The following LAMA2 variants were observed in gnomAD, a reference collection of about 807,000 sequenced individuals.
The protein encoded by LAMA2 is laminin subunit alpha-2.
In LAMA2, 269 loss-of-function variants were observed where a neutral mutation model predicts 364.8. The observed-to-expected ratio is 0.74, with a 90% CI of 0.67 to 0.82. The LOEUF (loss-of-function observed/expected upper bound fraction) is 0.82. Ranked by LOEUF, LAMA2 falls within the 40% of genes least tolerant of loss-of-function variation. The pLI is 0.00. For missense variants in LAMA2, 3,807 were observed against 3,873.2 expected, an observed-to-expected ratio of 0.98 and a Z score of 0.45; for synonymous variants, 1,379 against 1,370.6, an observed-to-expected ratio of 1.01 and a Z score of -0.14.
intron 1 of LAMA2, among the ~76,000 whole-genome samples, chr6:129,029,885 CAATTGT>C (rs1344364544): frequency 1.3e-5 from 2 of 151,976 alleles, no homozygotes; most frequent in Non-Finnish European, 2.9e-5. Context: ...CTAGGGCAAC[CAATTGT>C]AGAGACTTCC....
chr6:129,384,768 G>A (rs921613294), intron 35 of LAMA2, among the ~76,000 whole-genome samples: 1 of 151,946 alleles, frequency 6.6e-6, no homozygotes, highest in African/African-American at 2.4e-5. Flanking sequence ...ATCACCAAAG[G>A]TGTCTCTCGT....
At chr6:128,918,177 A>G (rs1446266735) in intron 1 of LAMA2, among the ~76,000 whole-genome samples, 2 of 152,342 alleles carry the variant, frequency 1.3e-5, no homozygotes, top group South Asian at 2.1e-4. Flanking sequence ...GTAAGAAAAT[A>G]TAATTATTCT....
intron 12 of LAMA2, 40 bp downstream of exon 12, chr6:129,192,893 A>G: frequency 6.3e-7 from 1 of 1,587,268 alleles, no homozygotes; most frequent in Non-Finnish European, 8.6e-7. Context: ...GCTTTAACTG[A>G]CTGATCGTGA....
chr6:129,262,471 T>C (rs1036449686), intron 15 of LAMA2, among the ~76,000 whole-genome samples: 1 of 151,946 alleles, frequency 6.6e-6, no homozygotes, highest in Admixed American at 6.6e-5. Flanking sequence ...AACAGATAGA[T>C]AGAAGCATTT....
At position 129,282,620 on chromosome 6, in the gene LAMA2, A is replaced by G. The variant is rs556287056; in HGVS notation, c.2537+2473A>G. Among the ~76,000 whole-genome samples, 119 of 152,198 alleles carry G rather than the reference A, an allele frequency of 7.8e-4. No homozygotes were observed. The South Asian group carries it at 0.023, about 30-fold the overall frequency. Reference sequence around the variant, plus strand: ...CCAGTACTGAGTATTTCACCCAAGCATGTTTCTGCTGACCTATCCCTTTTT... The same window carrying G: ...CCAGTACTGAGTATTTCACCCAAGCGTGTTTCTGCTGACCTATCCCTTTTT... On this transcript the variant is annotated intron_variant, in intron 18 of 64. Coordinates refer to ENST00000421865, the MANE Select transcript of LAMA2 (RefSeq NM_000426.4).
intron 16 of LAMA2, among the ~76,000 whole-genome samples, chr6:129,267,469 A>G (rs945148030): frequency 2.0e-5 from 3 of 152,146 alleles, no homozygotes; most frequent in Non-Finnish European, 4.4e-5. Flanking sequence ...TTTATAAGGC[A>G]TAACTTCTGA....
chr6:129,412,458 G>A (rs555954083), intron 40 of LAMA2, among the ~76,000 whole-genome samples: 3 of 151,704 alleles, frequency 2.0e-5, no homozygotes, highest in African/African-American at 4.8e-5. Flanking sequence ...ATAAATTAAC[G>A]ATCACAAACA....
intron 12 of LAMA2, among the ~76,000 whole-genome samples, chr6:129,223,151 G>A (rs1562348933): frequency 1.3e-5 from 2 of 152,200 alleles, no homozygotes; most frequent in Non-Finnish European, 2.9e-5. Context: ...CTTTTGAGAA[G>A]TGTCTGTTCA....
At chr6:129,160,267 A>G (rs577726333) in intron 8 of LAMA2, among the ~76,000 whole-genome samples, 122 of 152,234 alleles carry the variant, frequency 8.0e-4, no homozygotes, top group African/African-American at 2.8e-3. Context: ...TTTATTAGAC[A>G]TAGGGTTAGA....
chr6:129,316,298 C>T, intron 27 of LAMA2, 127 bp downstream of exon 27: 1 of 748,060 alleles, frequency 1.3e-6, no homozygotes, highest in East Asian at 2.6e-5. Flanking sequence ...AGAAGATAAA[C>T]CATGGAGGCT....
At chr6:128,989,889 GT>G (rs1025628438) in intron 1 of LAMA2, among the ~76,000 whole-genome samples, 3 of 151,798 alleles carry the variant, frequency 2.0e-5, no homozygotes, top group Admixed American at 1.3e-4. Context: ...TAGACAGCAC[GT>G]TTTTTTTCTG....
chr6:129,410,955 G>A (rs573321163), intron 40 of LAMA2, among the ~76,000 whole-genome samples: 3 of 152,094 alleles, frequency 2.0e-5, no homozygotes, highest in Admixed American at 6.5e-5. Flanking sequence ...GAGATGAGAT[G>A]TCCCAGCTCA....
intron 40 of LAMA2, among the ~76,000 whole-genome samples, chr6:129,405,129 T>C (rs1780183134): frequency 6.6e-6 from 1 of 152,140 alleles, no homozygotes; most frequent in East Asian, 1.9e-4. Context: ...TAATTTTCTA[T>C]TTTAAAGACC....
chr6:129,169,631 G>T (rs1780002588), intron 9 of LAMA2, among the ~76,000 whole-genome samples: 1 of 148,282 alleles, frequency 6.7e-6, no homozygotes, highest in Non-Finnish European at 1.5e-5. Context: ...CTCTTTTTTG[G>T]TTGTGTCTCT....
intron 30 of LAMA2, among the ~76,000 whole-genome samples, chr6:129,345,133 T>A (rs1399241475): frequency 1.3e-5 from 2 of 152,194 alleles, no homozygotes; most frequent in African/African-American, 4.8e-5. Flanking sequence ...TCTGGGCCAA[T>A]GGACCCCTCA....
At chr6:129,111,589 A>G (rs1776159740) in intron 4 of LAMA2, among the ~76,000 whole-genome samples, 1 of 152,000 alleles carries the variant, frequency 6.6e-6, no homozygotes, top group African/African-American at 2.4e-5. Context: ...GTTTAAACTA[A>G]TATGTGCCAA....
intron 20 of LAMA2, chr6:129,292,815 C>T (rs1005597436): frequency 5.1e-6 from 5 of 985,596 alleles, no homozygotes; most frequent in Admixed American, 6.1e-5. Context: ...CAATATGTGG[C>T]GGGATCCAGA....
At chr6:129,059,061 A>T (rs1788696550) in intron 2 of LAMA2, among the ~76,000 whole-genome samples, 1 of 152,172 alleles carries the variant, frequency 6.6e-6, no homozygotes, top group South Asian at 2.1e-4. Context: ...AGTTAAATTA[A>T]TGAAAACTTA....
In LAMA2 at chr6:129,207,076, G is replaced by A. The variant is rs180945021; in HGVS notation, c.1782+14223G>A. On this transcript the variant is annotated intron_variant, in intron 12 of 64. Coordinates refer to ENST00000421865, the MANE Select transcript of LAMA2 (RefSeq NM_000426.4). The stretch of plus-strand genomic sequence containing the variant: ...GGCCATTGCCTCTCAACTTCAGATC[G>A]ACAGCAGTGACAGCCACAGGAGCAG... Among the ~76,000 whole-genome samples the A allele has an allele frequency of 2.6e-3, 394 of 152,324 alleles. 1 individual carries two copies. Among genetic ancestry groups the A allele is most frequent in the African/African-American group, 8.5e-3 (353 of 41,566 alleles).
Sources: gnomAD v4.1 joint callset for allele counts (sites outside exome capture counted in the v4.1 genomes callset) on GRCh38, gnomAD v4.1.1 for gene constraint, MANE v1.5 for transcripts, NCBI Gene and HGNC (gene_info 2026-07-23, HGNC 2026-07-21) for gene names.